Variants in NEBL observed in about 807,000 individuals in gnomAD.
NEBL encodes LIM and SH3 protein 2.
NEBL carries 122 observed loss-of-function variants against 140.2 expected under a neutral mutation model. That is an observed-to-expected ratio of 0.87 (90% CI 0.75 to 1.01). The LOEUF is 1.01. NEBL is among the 50% of genes least tolerant of loss of function. The pLI, the probability that NEBL is intolerant of heterozygous loss-of-function variation, is 0.00. For missense variants in NEBL, 1,365 were observed against 1,231.3 expected, an observed-to-expected ratio of 1.11 and a Z score of -1.62; for synonymous variants, 436 against 398.9, an observed-to-expected ratio of 1.09 and a Z score of -1.11.
intron 4 of NEBL, among the ~76,000 whole-genome samples, chr10:20,927,259 G>A (rs1833957153): frequency 1.3e-5 from 2 of 152,154 alleles, no homozygotes; most frequent in East Asian, 1.9e-4. Flanking sequence ...CATCATAGCC[G>A]ACTATGAACT....
chr10:20,921,794 C>CAT (rs58878956), intron 4 of NEBL, among the ~76,000 whole-genome samples: 101,132 of 151,810 alleles, frequency 0.67, 33,910 homozygotes, highest in Non-Finnish European at 0.69. Context: ...CACACACACA[C>CAT]ATATGTATAC....
intron 14 of NEBL, 80 bp downstream of exon 14, chr10:20,835,433 A>G (rs1349880559): frequency 4.9e-6 from 5 of 1,025,222 alleles, no homozygotes; most frequent in African/African-American, 4.7e-5. Context: ...GAGAAATTCC[A>G]TATAGTAATC....
At chr10:21,252,443 A>G (rs1252805511) in intron 1 of NEBL, among the ~76,000 whole-genome samples, 1 of 152,220 alleles carries the variant, frequency 6.6e-6, no homozygotes, top group African/African-American at 2.4e-5. Context: ...ACAGGAAAGC[A>G]GGGAAAAAGC....
intron 4 of NEBL, among the ~76,000 whole-genome samples, chr10:20,914,474 C>T (rs1848455831): frequency 6.6e-6 from 1 of 152,198 alleles, no homozygotes; most frequent in Admixed American, 6.5e-5. Flanking sequence ...TGGAAGCAAA[C>T]ATTCCTAATA....
intron 3 of NEBL, among the ~76,000 whole-genome samples, chr10:20,992,827 G>C (rs1837518573): frequency 7.7e-6 from 1 of 129,646 alleles, no homozygotes; most frequent in Admixed American, 9.0e-5. Context: ...ACCCAGGCTG[G>C]AGTGCAGTGG....
At chr10:20,846,697 A>T (rs908334324) in intron 11 of NEBL, among the ~76,000 whole-genome samples, 1 of 152,188 alleles carries the variant, frequency 6.6e-6, no homozygotes, top group Non-Finnish European at 1.5e-5. Flanking sequence ...GACTCTTTAA[A>T]TGGTGAAATA....
chr10:21,165,655 A>G (rs1363404328), intron 2 of NEBL, among the ~76,000 whole-genome samples: 1 of 152,184 alleles, frequency 6.6e-6, no homozygotes, highest in Admixed American at 6.5e-5. Context: ...GCTTGGGGGC[A>G]TATGCAGATA....
intron 3 of NEBL, among the ~76,000 whole-genome samples, chr10:21,009,662 A>G (rs539123568): frequency 1.3e-5 from 2 of 152,326 alleles, no homozygotes; most frequent in Admixed American, 6.5e-5. Context: ...AGAATACAAT[A>G]CAATTGTCCC....
At chr10:20,919,829 C>T (rs1039578340) in intron 4 of NEBL, among the ~76,000 whole-genome samples, 1 of 152,006 alleles carries the variant, frequency 6.6e-6, no homozygotes, top group Non-Finnish European at 1.5e-5. Context: ...AGTTTGACTA[C>T]ATGAAAATAA....
chr10:20,963,675 A>G (rs188573008), intron 3 of NEBL, among the ~76,000 whole-genome samples: 1 of 152,268 alleles, frequency 6.6e-6, no homozygotes, highest in African/African-American at 2.4e-5. Flanking sequence ...GATTGCAGGT[A>G]TCAGCCACCA....
At chr10:21,222,784 CAG>C (rs1169016200) in intron 3 of NEBL, among the ~76,000 whole-genome samples, 6 of 151,978 alleles carry the variant, frequency 3.9e-5, no homozygotes, top group African/African-American at 1.4e-4. Context: ...TTTTGTTAGA[CAG>C]AGTTTTGTTC....
intron 2 of NEBL, among the ~76,000 whole-genome samples, chr10:21,128,463 A>G (rs1838943106): frequency 6.6e-6 from 1 of 152,206 alleles, no homozygotes; most frequent in Non-Finnish European, 1.5e-5. Context: ...TATGGAAGGA[A>G]TGACACACTG....
intron 3 of NEBL, among the ~76,000 whole-genome samples, chr10:20,966,870 C>T (rs911969601): frequency 1.3e-5 from 2 of 152,104 alleles, no homozygotes; most frequent in Non-Finnish European, 2.9e-5. Context: ...AGAAAGCCAT[C>T]GCGGATGAAG....
chr10:21,069,547 A>G (rs1213575475), intron 2 of NEBL, among the ~76,000 whole-genome samples: 5 of 152,192 alleles, frequency 3.3e-5, no homozygotes, highest in African/African-American at 7.2e-5. Context: ...AGTTTTCTCA[A>G]TGAGTCTCGG....
At chr10:21,097,099 C>T (rs1214896357) in intron 2 of NEBL, among the ~76,000 whole-genome samples, 1 of 151,836 alleles carries the variant, frequency 6.6e-6, no homozygotes, top group Non-Finnish European at 1.5e-5. Context: ...TCTCCTAATA[C>T]TTTATTGTTT....
At chr10:21,073,041 C>T (rs917607328) in intron 2 of NEBL, among the ~76,000 whole-genome samples, 1 of 151,994 alleles carries the variant, frequency 6.6e-6, no homozygotes, top group Non-Finnish European at 1.5e-5. Flanking sequence ...CAGGGCTCCA[C>T]CAGTGCCAAC....
rs925440554 is a variant in NEBL at position 20,839,972 on chromosome 10, T to C, written c.1338+767A>G. Reference sequence around the variant, plus strand: ...TGGAGGAAGAGAGACATCATCTGAATTCTACCTTGACAGTAACTCAATCTT... The same window carrying C: ...TGGAGGAAGAGAGACATCATCTGAACTCTACCTTGACAGTAACTCAATCTT... On this transcript the variant is annotated intron_variant, in intron 13 of 27. Transcript: ENST00000377122. Among the ~76,000 whole-genome samples the C allele has an allele frequency of 1.2e-4, 18 of 152,156 alleles. 1 individual carries two copies. The highest frequency in any genetic ancestry group is 4.3e-4 in the African/African-American group (18 of 41,428).
At chr10:20,919,378 A>AG (rs1331510668) in intron 4 of NEBL, among the ~76,000 whole-genome samples, 2 of 152,220 alleles carry the variant, frequency 1.3e-5, no homozygotes, top group African/African-American at 4.8e-5. Flanking sequence ...GCCCATTCAT[A>AG]GGGTATCTCT....
intron 4 of NEBL, among the ~76,000 whole-genome samples, chr10:20,949,761 G>C (rs74120567): frequency 4.6e-5 from 7 of 151,862 alleles, no homozygotes; most frequent in Admixed American, 2.0e-4. Flanking sequence ...TGCTGAGGAC[G>C]TCTTTATTTC....
Sources: gnomAD v4.1 joint callset for allele counts (sites outside exome capture counted in the v4.1 genomes callset) on GRCh38, gnomAD v4.1.1 for gene constraint, MANE v1.5 for transcripts, NCBI Gene and HGNC (gene_info 2026-07-23, HGNC 2026-07-21) for gene names.